NKD1: variants seen among roughly 807,000 people sequenced by gnomAD.
NKD1 encodes NKD inhibitor of Wnt signaling pathway 1, also known as protein naked cuticle homolog 1.
Under a neutral mutation model 56.0 loss-of-function variants are expected in NKD1, and 21 were observed. The ratio of observed to expected loss-of-function variants is 0.38; its 90% CI spans 0.27 to 0.54. The LOEUF (loss-of-function observed/expected upper bound fraction) is 0.54. NKD1 is among the 20% of genes least tolerant of loss of function. NKD1 has a pLI of 0.82. For missense variants in NKD1, 578 were observed against 642.7 expected, an observed-to-expected ratio of 0.90 and a Z score of 1.09; for synonymous variants, 263 against 265.7, an observed-to-expected ratio of 0.99 and a Z score of 0.10.
At chr16:50,600,460 T>C (rs561271219) in intron 3 of NKD1, among the ~76,000 whole-genome samples, 246 of 151,900 alleles carry the variant, frequency 1.6e-3, no homozygotes, top group Non-Finnish European at 2.6e-3. Flanking sequence ...GAGACCCCCA[T>C]CTAAGAACCA....
chr16:50,614,172 G>T (rs1005119978), intron 4 of NKD1, among the ~76,000 whole-genome samples: 5 of 152,174 alleles, frequency 3.3e-5, no homozygotes, highest in African/African-American at 1.2e-4. Context: ...TACTGCTGTG[G>T]TGCTGGTGCT....
In NKD1 at chr16:50,575,961, C is replaced by G. The variant is rs189803353; in HGVS notation, c.192+26406C>G. On this transcript the variant is annotated intron_variant, in intron 3 of 9. Coordinates refer to ENST00000268459, the MANE Select transcript of NKD1 (RefSeq NM_033119.5). ...CCATCCTGCAGTGCACAGGATGTGC[C>G]CCTGCAACAAAGAGTGACCTTGGCC... Among the ~76,000 whole-genome samples the G allele has an allele frequency of 2.6e-4, 39 of 152,160 alleles. 1 individual carries two copies. In the East Asian group the frequency reaches 5.0e-3, roughly 20 times the overall value.
chr16:50,616,566 G>A (rs376533542), intron 4 of NKD1, among the ~76,000 whole-genome samples: 6 of 152,270 alleles, frequency 3.9e-5, no homozygotes, highest in East Asian at 1.9e-4. Context: ...CAGGCCTGGC[G>A]GAATCTCTGC....
chr16:50,638,616 C>G lies in NKD1; in HGVS notation c.*4835C>G, dbSNP rs1169868840. The G allele has an allele frequency of 6.6e-6, 1 of 152,266 alleles. No homozygotes were observed. The highest frequency in any genetic ancestry group is 1.9e-4 in the East Asian group (1 of 5,202). The allele number at this position is 152,266 out of a possible 1,614,324, so 9.4% of individuals were successfully genotyped here. A position where few individuals can be genotyped will look rare whatever the true frequency, so the allele number is the denominator to read the frequency against. ...ACAGTCAGGACCTTTGTGTGGGGCT[C>G]TGATCTGATGTTCGGTCTCATCATC... On this transcript the variant is annotated 3_prime_UTR_variant, in exon 10 of 10. Transcript: ENST00000268459.
Position 50,641,990 on chromosome 16 carries a change from C to A in NKD1, c.*8209C>A, listed in dbSNP as rs967196449. ...GATTGTACCCGGCTCAGTGACTTCC[C>A]CTCTTTGAGACTCAGTTTGCTTTTC... On this transcript the variant is annotated 3_prime_UTR_variant, in exon 10 of 10. Coordinates refer to ENST00000268459, the MANE Select transcript of NKD1 (RefSeq NM_033119.5). 3.3e-5 allele frequency: 5 copies of A among 152,244 alleles called. No homozygotes were observed. Among genetic ancestry groups the A allele is most frequent in the Non-Finnish European group, 7.3e-5 (5 of 68,068 alleles). 9.4% of individuals were successfully genotyped at this position (152,244 alleles called of 1,614,324 possible).
chr16:50,612,292 G>A (rs1961864132), intron 4 of NKD1, among the ~76,000 whole-genome samples: 1 of 152,216 alleles, frequency 6.6e-6, no homozygotes, highest in South Asian at 2.1e-4. Flanking sequence ...AAAGGAACTT[G>A]GGAGGCCTGT....
rs1198098464 is a variant in NKD1 at position 50,647,475 on chromosome 16, T to G, written c.*13694T>G. 1.3e-5 allele frequency: 2 copies of G among 152,116 alleles called. No individual in the cohort carries two copies. Among genetic ancestry groups the G allele is most frequent in the Non-Finnish European group, 2.9e-5 (2 of 68,028 alleles). The allele number at this position is 152,116 out of a possible 1,614,324, so 9.4% of individuals were successfully genotyped here. On this transcript the variant is annotated 3_prime_UTR_variant, in exon 10 of 10. Coordinates refer to ENST00000268459, the MANE Select transcript of NKD1 (RefSeq NM_033119.5). ...TTTTTCTCAGGAGGAGATCCTGAGATGAAGACTCAGGAGCAGGTTGTTGAT... is the reference window on the plus strand; with the variant it reads ...TTTTTCTCAGGAGGAGATCCTGAGAGGAAGACTCAGGAGCAGGTTGTTGAT...
chr16:50,552,396 G>A (rs1960408586), intron 3 of NKD1: 1 of 152,276 alleles, frequency 6.6e-6, no homozygotes, highest in African/African-American at 2.4e-5. Flanking sequence ...AACTCCCAGA[G>A]AGGGGGTGCT....
At chr16:50,584,111 A>G (rs1044230971) in intron 3 of NKD1, among the ~76,000 whole-genome samples, 3 of 152,148 alleles carry the variant, frequency 2.0e-5, no homozygotes, top group African/African-American at 7.2e-5. Context: ...GGCTGGGTTG[A>G]TCTGGGCTGG....
rs55912205 is a variant in NKD1 at position 50,602,742 on chromosome 16, C to T, written c.193-5552C>T. On this transcript the variant is annotated intron_variant, in intron 3 of 9. Transcript: ENST00000268459. ...ACAGGTAGCAGCACAGTCTGCGTGT[C>T]TTCCTGTGAGGGCTCCTTTGCCTGT... Among the ~76,000 whole-genome samples the T allele has an allele frequency of 6.2e-3, 945 of 152,342 alleles. 11 individuals are homozygous for T. The highest frequency in any genetic ancestry group is 9.8e-3 in the Non-Finnish European group (664 of 68,040).
chr16:50,591,457 C>T (rs1380236571), intron 3 of NKD1, among the ~76,000 whole-genome samples: 1 of 152,182 alleles, frequency 6.6e-6, no homozygotes, highest in Non-Finnish European at 1.5e-5. Context: ...GGGCAGTGGC[C>T]CTTCTGGGTG....
chr16:50,567,607 C>T (rs922874798), intron 3 of NKD1, among the ~76,000 whole-genome samples: 6 of 152,190 alleles, frequency 3.9e-5, no homozygotes, highest in African/African-American at 1.4e-4. Flanking sequence ...TCCTCCTTGG[C>T]CAAGGACAGG....
chr16:50,592,838 T>C (rs74017733), intron 3 of NKD1, among the ~76,000 whole-genome samples: 3,424 of 151,968 alleles, frequency 0.023, 144 homozygotes, highest in African/African-American at 0.078. Context: ...CAGAAGCGGG[T>C]GGAGACAGGC....
At chr16:50,568,193 G>T (rs1285599074) in intron 3 of NKD1, among the ~76,000 whole-genome samples, 1 of 152,170 alleles carries the variant, frequency 6.6e-6, no homozygotes, top group African/African-American at 2.4e-5. Context: ...CTGAGCACCC[G>T]CCTACCTTTT....
intron 4 of NKD1, among the ~76,000 whole-genome samples, chr16:50,611,283 G>T (rs888249923): frequency 7.2e-5 from 11 of 151,860 alleles, no homozygotes; most frequent in African/African-American, 2.7e-4. Flanking sequence ...TCTCATCTCT[G>T]GGCCTTTGCT....
At chr16:50,630,977 A>G in intron 8 of NKD1, 67 bp downstream of exon 8, 1 of 1,320,948 alleles carries the variant, frequency 7.6e-7, no homozygotes, top group Non-Finnish European at 1.0e-6. Context: ...TGAAGGATTC[A>G]GAGCAGGAAG....
At chr16:50,568,367 T>G (rs1262816202) in intron 3 of NKD1, among the ~76,000 whole-genome samples, 1 of 152,214 alleles carries the variant, frequency 6.6e-6, no homozygotes, top group Non-Finnish European at 1.5e-5. Flanking sequence ...GGGCCCCAGC[T>G]GGAGACACAG....
Position 50,623,730 on chromosome 16 carries a change from T to C in NKD1, c.367-1755T>C, listed in dbSNP as rs1344878503. ...GTCTTGGAAACAGGTAAGTGCTGTG[T>C]GTGTGTGTGTGTGTGTGTGTGTGTG... is the stretch of plus-strand genomic sequence containing the variant. On this transcript the variant is annotated intron_variant, in intron 5 of 9. Transcript: ENST00000268459. This position sits in a 1 kb window ranked among gnomAD's most constrained non-coding sequence, Gnocchi z 4.1. Among the ~76,000 whole-genome samples, 9 of 142,784 alleles carry C rather than the reference T, an allele frequency of 6.3e-5. No individual in the cohort carries two copies. Among genetic ancestry groups the C allele is most frequent in the Admixed American group, 2.0e-4 (3 of 14,678 alleles). 93.7% of individuals were successfully genotyped at this position (142,784 alleles called of 152,430 possible).
chr16:50,578,215 C>T (rs952398374), intron 3 of NKD1, among the ~76,000 whole-genome samples: 6 of 152,110 alleles, frequency 3.9e-5, no homozygotes, highest in Admixed American at 1.3e-4. Flanking sequence ...AAAACTCTTC[C>T]CACTGCTTAA....
Sources: allele counts gnomAD v4.1 joint callset (sites outside exome capture counted in the v4.1 genomes callset), GRCh38; gene constraint gnomAD v4.1.1; non-coding constraint Gnocchi (gnomAD v3.1); transcripts MANE v1.5; gene names NCBI Gene and HGNC (gene_info 2026-07-23, HGNC 2026-07-21).